The following PACSIN2 variants were observed in gnomAD, a reference collection of about 807,000 sequenced individuals.
The protein encoded by PACSIN2 is protein kinase C and casein kinase substrate in neurons 2, also known as protein kinase C and casein kinase substrate in neurons protein 2.
A neutral mutation model predicts 63.8 loss-of-function variants in PACSIN2; 25 were observed. That is an observed-to-expected ratio of 0.39 (90% CI 0.29 to 0.55). PACSIN2 has a LOEUF of 0.55. PACSIN2 is among the 20% of genes least tolerant of loss of function. The pLI is 0.62. For synonymous variants in PACSIN2, 255 were observed against 256.2 expected, an observed-to-expected ratio of 1.00 and a Z score of 0.05; for missense variants, 518 against 646.9, an observed-to-expected ratio of 0.80 and a Z score of 2.16.
intron 1 of PACSIN2, among the ~76,000 whole-genome samples, chr22:42,971,142 G>C: frequency 6.6e-6 from 1 of 152,226 alleles, no homozygotes. Flanking sequence ...CCGAGCCAAA[G>C]CTGGACTGTA....
chr22:42,875,816 C>T (rs553277754), intron 10 of PACSIN2, among the ~76,000 whole-genome samples: 1 of 152,062 alleles, frequency 6.6e-6, no homozygotes, highest in Non-Finnish European at 1.5e-5. Context: ...GGATTACAGG[C>T]GTGAGCCACC....
chr22:42,948,797 G>A (rs777071766), intron 1 of PACSIN2, among the ~76,000 whole-genome samples: 13 of 152,202 alleles, frequency 8.5e-5, no homozygotes, highest in Non-Finnish European at 1.8e-4. Context: ...CTCTACTGTA[G>A]AGAAGAATAT....
At chr22:42,910,671 C>A (rs556771374) in intron 2 of PACSIN2, among the ~76,000 whole-genome samples, 1 of 152,282 alleles carries the variant, frequency 6.6e-6, no homozygotes, top group South Asian at 2.1e-4. Flanking sequence ...CTCTTGCTGT[C>A]TTAAGTGAAA....
intron 8 of PACSIN2, among the ~76,000 whole-genome samples, chr22:42,878,224 C>A (rs1389760134): frequency 6.6e-6 from 1 of 152,216 alleles, no homozygotes; most frequent in Non-Finnish European, 1.5e-5. Flanking sequence ...CATACAGGTG[C>A]TGGCCTGATC....
At chr22:42,910,344 G>A (rs975808122) in intron 2 of PACSIN2, among the ~76,000 whole-genome samples, 2 of 152,230 alleles carry the variant, frequency 1.3e-5, no homozygotes, top group Admixed American at 6.5e-5. Context: ...TTGGTTCAGT[G>A]TTGAGAACAA....
At chr22:42,913,313 C>G (rs1931583715) in intron 1 of PACSIN2, among the ~76,000 whole-genome samples, 1 of 152,144 alleles carries the variant, frequency 6.6e-6, no homozygotes, top group African/African-American at 2.4e-5. Context: ...AACCCCGTCT[C>G]TACTAAAAAT....
intron 1 of PACSIN2, among the ~76,000 whole-genome samples, chr22:42,964,418 G>GA (rs34545773): frequency 0.57 from 77,106 of 134,996 alleles, 22,079 homozygotes; most frequent in African/African-American, 0.66. Flanking sequence ...ACTCCGTCTG[G>GA]AAAAAAAAAA....
intron 2 of PACSIN2, among the ~76,000 whole-genome samples, chr22:42,898,395 A>C (rs1423209588): frequency 6.6e-6 from 1 of 151,138 alleles, no homozygotes; most frequent in Non-Finnish European, 1.5e-5. Flanking sequence ...CCTCAGCCTC[A>C]CGAGTAGCTG....
At chr22:42,959,122 G>C (rs527417593) in intron 1 of PACSIN2, among the ~76,000 whole-genome samples, 32 of 152,306 alleles carry the variant, frequency 2.1e-4, no homozygotes, top group Admixed American at 2.0e-3. Context: ...AAGAACTGAG[G>C]GGGAGGATGG....
At chr22:42,989,043 C>T (rs906178080) in intron 1 of PACSIN2, among the ~76,000 whole-genome samples, 1 of 152,120 alleles carries the variant, frequency 6.6e-6, no homozygotes, top group Admixed American at 6.5e-5. Context: ...TGACACCTGG[C>T]TAGTTTTAAA....
At chr22:42,942,601 G>A (rs1022554628) in intron 1 of PACSIN2, among the ~76,000 whole-genome samples, 1 of 152,172 alleles carries the variant, frequency 6.6e-6, no homozygotes, top group Non-Finnish European at 1.5e-5. Flanking sequence ...ATGAGGCAGA[G>A]ATCCAAATTC....
At position 43,009,863 on chromosome 22, in the gene PACSIN2, CTATTTT is replaced by C. The variant is rs1216869412; in HGVS notation, c.-78+5152_-78+5157del. Among the ~76,000 whole-genome samples, 41 of 131,804 alleles carry C rather than the reference CTATTTT, an allele frequency of 3.1e-4. 2 individuals are homozygous for C. The highest frequency in any genetic ancestry group is 9.4e-4 in the African/African-American group (32 of 34,100). The allele number at this position is 131,804 out of a possible 152,430, so 86.5% of individuals were successfully genotyped here. ...TAGTTGAGACATCATTTTATTTTTT[CTATTTT>C]TTTTTTTTTTTTTTTTTGAGACAGA... On this transcript the variant is annotated intron_variant, in intron 1 of 10. Coordinates refer to ENST00000263246, the MANE Select transcript of PACSIN2 (RefSeq NM_001184970.3).
At chr22:42,949,997 G>A (rs896594279) in intron 1 of PACSIN2, among the ~76,000 whole-genome samples, 12 of 152,106 alleles carry the variant, frequency 7.9e-5, no homozygotes, top group African/African-American at 1.2e-4. Context: ...CAGGCCCTGC[G>A]GTCCAGGAGC....
intron 1 of PACSIN2, among the ~76,000 whole-genome samples, chr22:42,993,304 G>A (rs1923176083): frequency 1.3e-5 from 2 of 152,188 alleles, no homozygotes; most frequent in African/African-American, 4.8e-5. Flanking sequence ...AGAAGTGGGG[G>A]CAGAGGGACC....
At chr22:42,975,457 A>AATATATATATATATATATATAT (rs57140073) in intron 1 of PACSIN2, among the ~76,000 whole-genome samples, 6 of 140,734 alleles carry the variant, frequency 4.3e-5, no homozygotes, top group African/African-American at 1.4e-4. Flanking sequence ...AATATATACA[A>AATATATATATATATATATATAT]ATATATATAT....
intron 1 of PACSIN2, among the ~76,000 whole-genome samples, chr22:42,965,781 G>A (rs1319233433): frequency 6.6e-6 from 1 of 152,198 alleles, no homozygotes; most frequent in Non-Finnish European, 1.5e-5. Flanking sequence ...TGACCTGGAA[G>A]TGGCAGGTGT....
At chr22:42,877,168 G>A (rs1326347832) in intron 8 of PACSIN2, among the ~76,000 whole-genome samples, 158 bp from the exon 9 acceptor site, 1 of 152,164 alleles carries the variant, frequency 6.6e-6, no homozygotes, top group South Asian at 2.1e-4. Context: ...GGCAGAATGC[G>A]GGCAATACTT....
intron 1 of PACSIN2, among the ~76,000 whole-genome samples, chr22:42,936,423 C>T (rs1932920843): frequency 1.3e-5 from 2 of 152,172 alleles, no homozygotes; most frequent in African/African-American, 4.8e-5. Flanking sequence ...CAAGACTCCT[C>T]CCCTCTGACC....
At chr22:42,962,786 G>GGGGGGC (rs1569329765) in intron 1 of PACSIN2, among the ~76,000 whole-genome samples, 17 of 131,498 alleles carry the variant, frequency 1.3e-4, no homozygotes, top group Admixed American at 1.0e-3. Flanking sequence ...GGGGGGGGGG[G>GGGGGGC]GCGGCGCAGA....
Sources: gnomAD v4.1 joint callset for allele counts (sites outside exome capture counted in the v4.1 genomes callset) on GRCh38, gnomAD v4.1.1 for gene constraint, MANE v1.5 for transcripts, NCBI Gene and HGNC (gene_info 2026-07-23, HGNC 2026-07-21) for gene names.